The following ATP1A3 variants were observed in gnomAD, a reference collection of about 807,000 sequenced individuals.
ATP1A3 encodes the protein ATPase Na+/K+ transporting subunit alpha 3.
A neutral mutation model predicts 108.8 loss-of-function variants in ATP1A3; 12 were observed. The ratio of observed to expected loss-of-function variants is 0.11; its 90% CI spans 0.07 to 0.18. The LOEUF (loss-of-function observed/expected upper bound fraction) is 0.18. Among genes scored for constraint, ATP1A3 ranks in the 10% least tolerant of loss-of-function variants. The pLI, the probability that ATP1A3 is intolerant of heterozygous loss-of-function variation, is 1.00. For synonymous variants in ATP1A3, 539 were observed against 564.5 expected, an observed-to-expected ratio of 0.95 and a Z score of 0.64; for missense variants, 498 against 1,387.7, an observed-to-expected ratio of 0.36 and a Z score of 10.19.
rs781917112 is a variant in ATP1A3 at position 41,984,900 on chromosome 19, C to CTGT, written c.993+17_993+18insACA. 6.2e-7 allele frequency: 1 copy of CTGT among 1,607,664 alleles called. No homozygotes were observed. Among genetic ancestry groups the CTGT allele is most frequent in the Non-Finnish European group, 8.5e-7 (1 of 1,177,000 alleles). ...ACCCCCAGGCCCTCCCCACCCAGACCCAGGAGCCTGGCCTTACAGTGACAG... is the reference window on the plus strand; with the variant it reads ...ACCCCCAGGCCCTCCCCACCCAGACCTGTCAGGAGCCTGGCCTTACAGTGACAG... On this transcript the variant is annotated intron_variant, in intron 8 of 22. Transcript: ENST00000648268.
At chr19:41,976,362 G>T in intron 15 of ATP1A3, 54 bp downstream of exon 15, 1 of 1,609,124 alleles carries the variant, frequency 6.2e-7, no homozygotes, top group Non-Finnish European at 8.5e-7. Context: ...CCCGGCCTCA[G>T]TGAGGACCCA....
At chr19:41,977,468 C>T (rs2075183376) in intron 14 of ATP1A3, among the ~76,000 whole-genome samples, 2 of 150,768 alleles carry the variant, frequency 1.3e-5, no homozygotes, top group Admixed American at 6.6e-5. Flanking sequence ...GGTGGACCAC[C>T]TGAGGTCAGG....
Position 41,981,433 on chromosome 19 carries a change from T to C in ATP1A3, c.1437+69A>G, listed in dbSNP as rs564790368. On this transcript the variant is annotated intron_variant, in intron 11 of 22. Transcript: ENST00000648268. This position sits in a 1 kb window ranked among gnomAD's most constrained non-coding sequence, Gnocchi z 5.0. ...TACAGACGGGAAAATCAAGGCTCTA[T>C]GACACCTCTTTACAGGCGTCATAAG... 1.2e-6 allele frequency: 2 copies of C among 1,611,148 alleles called. No homozygotes were observed. The highest frequency in any genetic ancestry group is 1.7e-6 in the Non-Finnish European group (2 of 1,177,682).
At position 41,993,335 on chromosome 19, in the gene ATP1A3, C is replaced by T. The variant is rs1411880528; in HGVS notation, c.6+736G>A. On this transcript the variant is annotated intron_variant, in intron 1 of 22. Coordinates refer to ENST00000648268, the MANE Select transcript of ATP1A3 (RefSeq NM_152296.5). ...AGGCAAGGACACAGCCAGGCATGCA[C>T]GCTCCCCACTACACAGTTGCACACG... The T allele has an allele frequency of 1.4e-5, 21 of 1,497,972 alleles. No homozygotes were observed. In the African/African-American group the frequency reaches 1.5e-4, roughly 11 times the overall value. 92.8% of individuals were successfully genotyped at this position (1,497,972 alleles called of 1,614,324 possible).
In ATP1A3 at chr19:41,985,798, G is replaced by C; in HGVS notation, c.606+66C>G. ...CTGGACTCCTGAGTGTGAGGGAGGA[G>C]GGGCTGGGCCTGAGCTCCTGGGCAG... is the stretch of plus-strand genomic sequence containing the variant. On this transcript the variant is annotated intron_variant, in intron 6 of 22. Coordinates refer to ENST00000648268, the MANE Select transcript of ATP1A3 (RefSeq NM_152296.5). The surrounding 1 kb of genome is among the most constrained non-coding windows in gnomAD (Gnocchi z 8.2). The C allele has an allele frequency of 6.3e-7, 1 of 1,599,924 alleles. No homozygotes were observed. The highest frequency in any genetic ancestry group is 8.5e-7 in the Non-Finnish European group (1 of 1,174,642).
Position 41,967,785 on chromosome 19 carries a change from G to T in ATP1A3, c.2820-22C>A, listed in dbSNP as rs781941402. 2.5e-6 allele frequency: 4 copies of T among 1,610,868 alleles called. No individual in the cohort carries two copies. The South Asian group carries it at 3.3e-5, about 13-fold the overall frequency. On this transcript the variant is annotated intron_variant, in intron 20 of 22. Transcript: ENST00000648268. This position sits in a 1 kb window ranked among gnomAD's most constrained non-coding sequence, Gnocchi z 4.2. ...GTTCCTGGAGGCACAGAAGGGCAGG[G>T]CTGGGCCCAGAGAGCACCCACCCTG... is the stretch of plus-strand genomic sequence containing the variant.
chr19:41,968,990 G>A lies in ATP1A3; in HGVS notation c.2689-75C>T, dbSNP rs1030665972. On this transcript the variant is annotated intron_variant, in intron 19 of 22. Coordinates refer to ENST00000648268, the MANE Select transcript of ATP1A3 (RefSeq NM_152296.5). The surrounding 1 kb of genome is among the most constrained non-coding windows in gnomAD (Gnocchi z 5.0). ...CCCTAGCCGCCACCCCGACGTTCCG[G>A]TGCTCTTTGCCCCGCCCCATCCTGC... 7.0e-5 allele frequency: 112 copies of A among 1,606,052 alleles called. No individual in the cohort carries two copies. Among genetic ancestry groups the A allele is most frequent in the Non-Finnish European group, 9.4e-5 (111 of 1,176,736 alleles).
In ATP1A3 at chr19:41,987,951, G is replaced by T; in HGVS notation, c.342C>A (p.Asp114Glu). 7 of 1,613,918 alleles carry T rather than the reference G, an allele frequency of 4.3e-6. No homozygotes were observed. The South Asian group carries it at 6.6e-5, about 15-fold the overall frequency. Residue 114 changes from aspartate (D) to glutamate (E), a missense_variant, in exon 4 of 23, where the codon GAC (aspartate) becomes GAA (glutamate). Asp to Glu is a conservative substitution (Grantham distance 45). This residue lies in a region of ATP1A3 where 127 missense variants were observed against 464.0 expected (regional missense o/e 0.27). Coordinates refer to ENST00000648268, the MANE Select transcript of ATP1A3 (RefSeq NM_152296.5). ...AYGIQAGTEDDPSGDNLYLGI... is the reference protein window; with the variant it reads ...AYGIQAGTEDEPSGDNLYLGI... ...AGGCACTCACGTTGTCACCAGAGGGGTCGTCCTCGGTGCCCGCCTGGATAC... is the reference window on the plus strand; with the variant it reads ...AGGCACTCACGTTGTCACCAGAGGGTTCGTCCTCGGTGCCCGCCTGGATAC...
Position 41,981,397 on chromosome 19 carries a change from C to G in ATP1A3, c.1437+105G>C. On this transcript the variant is annotated intron_variant, in intron 11 of 22. Coordinates refer to ENST00000648268, the MANE Select transcript of ATP1A3 (RefSeq NM_152296.5). The surrounding 1 kb of genome is among the most constrained non-coding windows in gnomAD (Gnocchi z 5.0). ...CCTCTCCCCACCAGGCGGGTATTATCATTCCCATTTTACAGACGGGAAAAT... is the reference window on the plus strand; with the variant it reads ...CCTCTCCCCACCAGGCGGGTATTATGATTCCCATTTTACAGACGGGAAAAT... 6.5e-7 allele frequency: 1 copy of G among 1,548,738 alleles called. No homozygotes were observed. The highest frequency in any genetic ancestry group is 8.9e-7 in the Non-Finnish European group (1 of 1,124,000).
rs1568864803 is a variant in ATP1A3, at chr19:41,985,194, C to G, written c.725-8G>C. On this transcript the variant is annotated splice_region_variant and splice_polypyrimidine_tract_variant and intron_variant, in intron 7 of 22. Transcript: ENST00000648268. The surrounding 1 kb of genome is among the most constrained non-coding windows in gnomAD (Gnocchi z 8.2). ...CCACGCCCCGAGCCGTGCCTGCAGG[C>G]CAGAGGGGTTAGGCTGAGGTGGGGT... 2 of 1,613,682 alleles carry G rather than the reference C, an allele frequency of 1.2e-6. No homozygotes were observed. Among genetic ancestry groups the G allele is most frequent in the African/African-American group, 2.7e-5 (2 of 74,928 alleles).
intron 18 of ATP1A3, 107 bp downstream of exon 18, chr19:41,970,078 G>A (rs943096973): frequency 9.6e-5 from 153 of 1,588,052 alleles, no homozygotes; most frequent in Middle Eastern, 1.8e-4. Flanking sequence ...TCCTGCCCAC[G>A]TCTGCTCCCC....
intron 16 of ATP1A3, among the ~76,000 whole-genome samples, chr19:41,971,936 T>G (rs2145951834): frequency 6.6e-6 from 1 of 152,262 alleles, no homozygotes; most frequent in Admixed American, 6.5e-5. Flanking sequence ...CAGTACAGGT[T>G]GTCTAAAGTA....
chr19:41,968,944 C>T lies in ATP1A3; in HGVS notation c.2689-29G>A, dbSNP rs370649346. On this transcript the variant is annotated intron_variant, in intron 19 of 22. Transcript: ENST00000648268. The surrounding 1 kb of genome is among the most constrained non-coding windows in gnomAD (Gnocchi z 5.0). ...CAGGAGCGGTGACCAGGGCACGGGA[C>T]GTCAGTTAGTGGCACTGCAGCCCTA... is the stretch of plus-strand genomic sequence containing the variant. 6.8e-5 allele frequency: 109 copies of T among 1,613,048 alleles called. No homozygotes were observed. Among genetic ancestry groups the T allele is most frequent in the Non-Finnish European group, 8.8e-5 (104 of 1,179,436 alleles).
At position 41,978,387 on chromosome 19, in the gene ATP1A3, C is replaced by T; in HGVS notation, c.1631-61G>A. 1 of 1,545,338 alleles carries T rather than the reference C, an allele frequency of 6.5e-7. No homozygotes were observed. The highest frequency in any genetic ancestry group is 8.8e-7 in the Non-Finnish European group (1 of 1,141,936). ...AGCCTCGGAACCTCCGCCCCATGCC[C>T]CTAGATGTCTGCATCGCCCGCATTC... On this transcript the variant is annotated intron_variant, in intron 12 of 22. Coordinates refer to ENST00000648268, the MANE Select transcript of ATP1A3 (RefSeq NM_152296.5). This position sits in a 1 kb window ranked among gnomAD's most constrained non-coding sequence, Gnocchi z 8.3.
At chr19:41,987,405 C>T (rs2075296953) in intron 4 of ATP1A3, among the ~76,000 whole-genome samples, 1 of 152,046 alleles carries the variant, frequency 6.6e-6, no homozygotes, top group South Asian at 2.1e-4. Flanking sequence ...AATTAGGTGG[C>T]CATGTTTGAA....
At position 41,988,813 on chromosome 19, in the gene ATP1A3, T is replaced by C. The variant is rs1432618637; in HGVS notation, c.7-251A>G. ...TCATCTGCTGCAATCAGCTTCCCTG[T>C]CTCTGGTTCTGTGTGTCTCTGAGTC... On this transcript the variant is annotated intron_variant, in intron 1 of 22. Transcript: ENST00000648268. The surrounding 1 kb of genome is among the most constrained non-coding windows in gnomAD (Gnocchi z 5.3). 2.6e-5 allele frequency among the ~76,000 whole-genome samples: 4 copies of C among 152,140 alleles called. No individual in the cohort carries two copies. The highest frequency in any genetic ancestry group is 9.7e-5 in the African/African-American group (4 of 41,426).
Position 41,981,083 on chromosome 19 carries a change from A to G in ATP1A3, c.1437+419T>C, listed in dbSNP as rs1470298306. Among the ~76,000 whole-genome samples, 2 of 149,336 alleles carry G rather than the reference A, an allele frequency of 1.3e-5. No individual in the cohort carries two copies. The highest frequency in any genetic ancestry group is 2.5e-5 in the African/African-American group (1 of 40,338). ...GTGATGTAGGCTCTCTGCAGCCCCA[A>G]CCTCCCCGGCTCAGGCAATCCTCCT... On this transcript the variant is annotated intron_variant, in intron 11 of 22. Transcript: ENST00000648268. This position sits in a 1 kb window ranked among gnomAD's most constrained non-coding sequence, Gnocchi z 5.0.
At chr19:41,986,915 G>A (rs1471820452) in intron 4 of ATP1A3, among the ~76,000 whole-genome samples, 2 of 151,826 alleles carry the variant, frequency 1.3e-5, no homozygotes, top group Admixed American at 6.6e-5. Flanking sequence ...GCTATGTTTT[G>A]TGTTTTTTTA....
Position 41,981,806 on chromosome 19 carries a change from G to A in ATP1A3, c.1218C>T (p.His406=), listed in dbSNP as rs1238469762. The change falls in exon 10 of 23, where the codon CAC becomes CAT. Residue 406 remains histidine, a synonymous_variant. Transcript: ENST00000648268. This position sits in a 1 kb window ranked among gnomAD's most constrained non-coding sequence, Gnocchi z 5.0. The part of the protein sequence containing the change: ...QSGTSFDKSS[H]TWVALSHIAG... ...CGATGTGAGACAGGGCCACCCAGGT[G>A]TGCGAACTCTTGTCAAATGAGGTCC... The A allele has an allele frequency of 7.4e-6, 12 of 1,614,126 alleles. No individual in the cohort carries two copies. In the East Asian group the frequency reaches 2.7e-4, roughly 36 times the overall value.
Sources: gnomAD v4.1 joint callset for allele counts (sites outside exome capture counted in the v4.1 genomes callset) on GRCh38, gnomAD v4.1.1 for gene constraint, gnomAD v4.1.1 regional missense constraint, Gnocchi (gnomAD v3.1) non-coding constraint, MANE v1.5 for transcripts, NCBI Gene and HGNC (gene_info 2026-07-23, HGNC 2026-07-21) for gene names.